The following SDK2 variants were observed in gnomAD, a reference collection of about 807,000 sequenced individuals.
SDK2 encodes the protein protein sidekick-2.
In SDK2, 105 loss-of-function variants were observed where a neutral mutation model predicts 253.9. The ratio of observed to expected loss-of-function variants is 0.41; its 90% CI spans 0.35 to 0.49. The LOEUF (loss-of-function observed/expected upper bound fraction) is 0.49, where lower values mean the gene tolerates loss of function less well. SDK2 is among the 20% of genes least tolerant of loss of function. SDK2 has a pLI of 0.06. For missense variants in SDK2, 2,608 were observed against 3,003.0 expected (o/e 0.87, Z 3.07); for synonymous variants, 1,249 against 1,234.9 (o/e 1.01, Z -0.24).
At position 73,335,163 on chromosome 17, in the gene SDK2, G is replaced by C. The variant is rs1344062807; in HGVS notation, c.*3424C>G. 1 of 152,634 alleles carries C rather than the reference G, an allele frequency of 6.6e-6. No individual in the cohort carries two copies. The highest frequency in any genetic ancestry group is 6.5e-5 in the Admixed American group (1 of 15,290). The allele number at this position is 152,634 out of a possible 1,614,324, so 9.5% of individuals were successfully genotyped here. A position where few individuals can be genotyped will look rare whatever the true frequency, so the allele number is the denominator to read the frequency against. On this transcript the variant is annotated 3_prime_UTR_variant, in exon 45 of 45. Transcript: ENST00000392650. ...TGCAAACTCTCTGGAGCCCTAGGAGGATGGTGGTTCTGGAGCCCAGAGCAT... is the reference window on the plus strand; with the variant it reads ...TGCAAACTCTCTGGAGCCCTAGGAGCATGGTGGTTCTGGAGCCCAGAGCAT...
At chr17:73,415,607 G>A (rs2063173805) in intron 17 of SDK2, among the ~76,000 whole-genome samples, 1 of 152,034 alleles carries the variant, frequency 6.6e-6, no homozygotes, top group African/African-American at 2.4e-5. Flanking sequence ...ATAGCCTCCT[G>A]AGTAGCTGTG....
At chr17:73,605,767 G>T (rs932726874) in intron 1 of SDK2, among the ~76,000 whole-genome samples, 1 of 152,122 alleles carries the variant, frequency 6.6e-6, no homozygotes, top group Non-Finnish European at 1.5e-5. Flanking sequence ...CCAAGAGATC[G>T]GATGCACGTA....
At chr17:73,494,396 C>G (rs980742587) in intron 2 of SDK2, among the ~76,000 whole-genome samples, 1 of 152,110 alleles carries the variant, frequency 6.6e-6, no homozygotes, top group East Asian at 1.9e-4. Context: ...CCCCCTGCAC[C>G]GGTGTCCTCA....
intron 36 of SDK2, among the ~76,000 whole-genome samples, chr17:73,369,653 G>A (rs976040081): frequency 6.6e-6 from 1 of 152,208 alleles, no homozygotes; most frequent in Non-Finnish European, 1.5e-5. Context: ...GCTCCCTGGT[G>A]TTTTCTCTTC....
chr17:73,553,349 C>T (rs551995477), intron 1 of SDK2, among the ~76,000 whole-genome samples: 1 of 152,280 alleles, frequency 6.6e-6, no homozygotes, highest in Non-Finnish European at 1.5e-5. Flanking sequence ...TATTTAATAC[C>T]AGGGTCTCCA....
chr17:73,618,813 G>A lies in SDK2; in HGVS notation c.64+25212C>T, dbSNP rs1040465363. Among the ~76,000 whole-genome samples, 2 of 152,166 alleles carry A rather than the reference G, an allele frequency of 1.3e-5. No individual in the cohort carries two copies. Among genetic ancestry groups the A allele is most frequent in the Non-Finnish European group, 2.9e-5 (2 of 68,034 alleles). On this transcript the variant is annotated intron_variant, in intron 1 of 44. Transcript: ENST00000392650. This position sits in a 1 kb window ranked among gnomAD's most constrained non-coding sequence, Gnocchi z 4.1. ...CTGTGTCTGGCACAGCAGAGCAAAT[G>A]CCTACCAGAGCACAAAACCCACAGC...
chr17:73,499,036 G>T (rs1014245327), intron 2 of SDK2, among the ~76,000 whole-genome samples: 2 of 152,200 alleles, frequency 1.3e-5, no homozygotes, highest in Non-Finnish European at 2.9e-5. Flanking sequence ...GTAAGAGCTT[G>T]GCTCGGTTCC....
intron 1 of SDK2, among the ~76,000 whole-genome samples, chr17:73,527,788 C>A (rs2064137533): frequency 6.6e-6 from 1 of 152,182 alleles, no homozygotes; most frequent in Non-Finnish European, 1.5e-5. Flanking sequence ...GGGAGAAATA[C>A]CTCCTTTGGT....
chr17:73,379,838 C>T lies in SDK2; in HGVS notation c.4763-289G>A, dbSNP rs558264339. ...CTGAAACCACTATGAATATTTACAC[C>T]GGGACAACCAGTGTAAACCAAAGCT... is the stretch of plus-strand genomic sequence containing the variant. On this transcript the variant is annotated intron_variant, in intron 34 of 44. Transcript: ENST00000392650. The surrounding 1 kb of genome is among the most constrained non-coding windows in gnomAD (Gnocchi z 4.5). Among the ~76,000 whole-genome samples the T allele has an allele frequency of 2.0e-5, 3 of 152,038 alleles. No individual in the cohort carries two copies. The highest frequency in any genetic ancestry group is 2.0e-4 in the Admixed American group (3 of 15,262).
chr17:73,435,637 C>T lies in SDK2; in HGVS notation c.1008G>A (p.Pro336=), dbSNP rs767998406. The change falls in exon 9 of 45, where the codon CCG becomes CCA. Residue 336 remains proline (P), a synonymous_variant. Coordinates refer to ENST00000392650, the MANE Select transcript of SDK2 (RefSeq NM_001144952.2). The surrounding 1 kb of genome is among the most constrained non-coding windows in gnomAD (Gnocchi z 5.7). ...VDIPCQAKGV[P]PPSITWYKDA... ...CCTTGTACCAGGTGATGGAGGGCGG[C>T]GGCACACCTGTGGGCAAGACGTGGG... The T allele has an allele frequency of 1.9e-5, 30 of 1,560,684 alleles. No individual in the cohort carries two copies. Among genetic ancestry groups the T allele is most frequent in the East Asian group, 4.8e-5 (2 of 41,894 alleles).
intron 12 of SDK2, among the ~76,000 whole-genome samples, chr17:73,426,477 A>G (rs532010174): frequency 2.2e-4 from 34 of 152,080 alleles, no homozygotes; most frequent in African/African-American, 7.5e-4. Flanking sequence ...GTGTCAGTAC[A>G]GCTGTTTTGT....
intron 18 of SDK2, among the ~76,000 whole-genome samples, chr17:73,411,896 C>T (rs1004835863): frequency 1.2e-4 from 18 of 145,682 alleles, no homozygotes; most frequent in Admixed American, 7.8e-4. Flanking sequence ...CTCAGTCTCC[C>T]GAGTAGCTGG....
At chr17:73,355,710 G>A (rs911728958) in intron 40 of SDK2, among the ~76,000 whole-genome samples, 13 of 152,038 alleles carry the variant, frequency 8.6e-5, no homozygotes, top group African/African-American at 2.9e-4. Flanking sequence ...TCCCTCAAGG[G>A]CAAGGATCAT....
At chr17:73,439,316 C>A (rs913384388) in intron 6 of SDK2, among the ~76,000 whole-genome samples, 1 of 152,174 alleles carries the variant, frequency 6.6e-6, no homozygotes, top group African/African-American at 2.4e-5. Context: ...TTGTAAATTA[C>A]CATGTCTCAG....
chr17:73,534,967 G>T lies in SDK2; in HGVS notation c.65-27370C>A, dbSNP rs80102940. ...GGCAGCCTGAAACTCCAAGGGGCAG[G>T]TGGGGTCTCTAGCCCAGGCCTTGGT... On this transcript the variant is annotated intron_variant, in intron 1 of 44. Transcript: ENST00000392650. The surrounding 1 kb of genome is among the most constrained non-coding windows in gnomAD (Gnocchi z 4.9). Among the ~76,000 whole-genome samples, 10,413 of 152,242 alleles carry T rather than the reference G, an allele frequency of 0.068. 514 individuals carry two copies. The highest frequency in any genetic ancestry group is 0.096 in the South Asian group (465 of 4,822).
intron 2 of SDK2, among the ~76,000 whole-genome samples, chr17:73,505,721 A>G (rs1036580608): frequency 1.5e-4 from 23 of 150,664 alleles, no homozygotes; most frequent in Non-Finnish European, 2.4e-4. Context: ...GGACCTCATC[A>G]TCGTCAATAG....
chr17:73,400,660 A>ATTT, intron 21 of SDK2, among the ~76,000 whole-genome samples: 1 of 143,882 alleles, frequency 7.0e-6, no homozygotes, highest in East Asian at 2.0e-4. Flanking sequence ...GCCTCTTTTT[A>ATTT]TTTTTTTTTT....
intron 12 of SDK2, among the ~76,000 whole-genome samples, chr17:73,430,251 A>C (rs1247286376): frequency 6.6e-6 from 1 of 150,886 alleles, no homozygotes; most frequent in Non-Finnish European, 1.5e-5. Flanking sequence ...CATTCCTCTT[A>C]CTTCATCTTT....
chr17:73,547,171 C>T (rs1038152305), intron 1 of SDK2, among the ~76,000 whole-genome samples: 9 of 152,262 alleles, frequency 5.9e-5, no homozygotes, highest in African/African-American at 2.2e-4. Context: ...ACAGAGTCCA[C>T]GCCCTCCAGG....
Sources: gnomAD v4.1 joint callset for allele counts (sites outside exome capture counted in the v4.1 genomes callset) on GRCh38, gnomAD v4.1.1 for gene constraint, Gnocchi (gnomAD v3.1) non-coding constraint, MANE v1.5 for transcripts, NCBI Gene and HGNC (gene_info 2026-07-23, HGNC 2026-07-21) for gene names.